Variants in CCDC3 observed in about 807,000 individuals in gnomAD.
CCDC3 encodes the protein coiled-coil domain-containing protein 3.
CCDC3 carries 24 observed loss-of-function variants against 21.4 expected under a neutral mutation model. The ratio of observed to expected loss-of-function variants is 1.12; its 90% CI spans 0.81 to 1.58. The LOEUF (loss-of-function observed/expected upper bound fraction) is 1.58, where lower values mean the gene tolerates loss of function less well. CCDC3 is among the 40% of genes most tolerant of loss of function. CCDC3 has a pLI of 0.00. For missense variants in CCDC3, 425 were observed against 360.9 expected, an observed-to-expected ratio of 1.18 and a Z score of -1.44; for synonymous variants, 186 against 166.0, an observed-to-expected ratio of 1.12 and a Z score of -0.93.
At chr10:13,002,121 T>C (rs1835866860), upstream of CCDC3, among the ~76,000 whole-genome samples, 1 of 152,166 alleles carries the variant, frequency 6.6e-6, no homozygotes, top group African/African-American at 2.4e-5. Context: ...GGAAATTCAG[T>C]GTGGGCTGAG....
intron 2 of CCDC3, among the ~76,000 whole-genome samples, chr10:12,909,795 C>G (rs1834237806): frequency 6.6e-6 from 1 of 152,300 alleles, no homozygotes; most frequent in Middle Eastern, 3.4e-3. Context: ...TGCTATCCAC[C>G]TGACCCATCT....
intron 2 of CCDC3, among the ~76,000 whole-genome samples, chr10:12,954,923 T>C (rs936915841): frequency 2.0e-5 from 3 of 152,200 alleles, no homozygotes; most frequent in East Asian, 1.9e-4. Context: ...GTGAAACCCA[T>C]AGGACTGCCA....
At chr10:13,024,327 C>A (rs948166552) in intron 5 of CCDC3, among the ~76,000 whole-genome samples, 3 of 152,070 alleles carry the variant, frequency 2.0e-5, no homozygotes, top group African/African-American at 4.8e-5. Flanking sequence ...ACTAACAGAT[C>A]TCTTCAAGGC....
intron 2 of CCDC3, among the ~76,000 whole-genome samples, chr10:12,983,412 A>T (rs1835537495): frequency 6.6e-6 from 1 of 151,310 alleles, no homozygotes; most frequent in Non-Finnish European, 1.5e-5. Context: ...GTCTCTACTA[A>T]AAATACAAAA....
At chr10:13,060,530 G>C (rs1429655026) in intron 4 of CCDC3, among the ~76,000 whole-genome samples, 1 of 151,976 alleles carries the variant, frequency 6.6e-6, no homozygotes, top group African/African-American at 2.4e-5. Context: ...CAACAGACAG[G>C]GTCTCACTCT....
chr10:12,973,074 C>G (rs947156218), intron 2 of CCDC3, among the ~76,000 whole-genome samples: 1 of 152,194 alleles, frequency 6.6e-6, no homozygotes, highest in Non-Finnish European at 1.5e-5. Context: ...AATGTGGCAG[C>G]TACCATTGAC....
rs138336684 is a variant in CCDC3 at position 12,950,750 on chromosome 10, C to T, written c.549+47588G>A. On this transcript the variant is annotated intron_variant, in intron 2 of 2. Coordinates refer to ENST00000378825, the MANE Select transcript of CCDC3 (RefSeq NM_031455.4). ...AACCCTTAGAAGCACCCACATACCA[C>T]ACAAGCTCAGACCTGTGGGCTTCTC... Among the ~76,000 whole-genome samples the T allele has an allele frequency of 1.1e-4, 17 of 152,314 alleles. No individual in the cohort carries two copies. In the East Asian group the frequency reaches 2.9e-3, roughly 26 times the overall value.
intron 2 of CCDC3, among the ~76,000 whole-genome samples, chr10:12,983,603 G>A (rs12261384): frequency 0.016 from 2,243 of 140,992 alleles, 64 homozygotes; most frequent in African/African-American, 0.056. Flanking sequence ...AAAACAAAAC[G>A]AAAAAAACTT....
At chr10:13,074,698 G>T (rs1283147035) in intron 3 of CCDC3, among the ~76,000 whole-genome samples, 3 of 151,546 alleles carry the variant, frequency 2.0e-5, no homozygotes, top group Non-Finnish European at 4.4e-5. Context: ...GCACAAATAC[G>T]CGTGCACACA....
chr10:13,084,809 G>A (rs1250237731), intron 3 of CCDC3, among the ~76,000 whole-genome samples: 2 of 152,162 alleles, frequency 1.3e-5, no homozygotes, highest in Admixed American at 6.5e-5. Flanking sequence ...CCATGAGAAG[G>A]AGTGAGATTG....
At chr10:12,937,984 A>C (rs1047056203) in intron 2 of CCDC3, among the ~76,000 whole-genome samples, 1 of 152,284 alleles carries the variant, frequency 6.6e-6, no homozygotes, top group African/African-American at 2.4e-5. Flanking sequence ...TATGCCTTCA[A>C]CCCAGCATCC....
At chr10:12,944,812 T>A (rs1158612394) in intron 2 of CCDC3, among the ~76,000 whole-genome samples, 1 of 152,246 alleles carries the variant, frequency 6.6e-6, no homozygotes, top group African/African-American at 2.4e-5. Flanking sequence ...TGACGGATAC[T>A]TAATGTCTCA....
intron 5 of CCDC3, among the ~76,000 whole-genome samples, chr10:13,020,442 T>C (rs1311806639): frequency 1.3e-5 from 2 of 152,358 alleles, no homozygotes; most frequent in African/African-American, 2.4e-5. Context: ...ACAAAGCTTA[T>C]TTCTATATAA....
At chr10:12,905,946 C>T (rs1458470350) in intron 2 of CCDC3, among the ~76,000 whole-genome samples, 1 of 152,238 alleles carries the variant, frequency 6.6e-6, no homozygotes, top group East Asian at 1.9e-4. Context: ...CCACATGATT[C>T]AGGGACTCTG....
chr10:12,914,848 C>T (rs1207793547), intron 2 of CCDC3, among the ~76,000 whole-genome samples: 1 of 151,846 alleles, frequency 6.6e-6, no homozygotes, highest in East Asian at 1.9e-4. Flanking sequence ...TATTTTTCTA[C>T]TCTCTCATTT....
intron 5 of CCDC3, among the ~76,000 whole-genome samples, chr10:13,026,411 T>C (rs971841143): frequency 3.3e-5 from 5 of 152,194 alleles, no homozygotes; most frequent in African/African-American, 4.8e-5. Flanking sequence ...AGTCTTTACA[T>C]AGAACATTTT....
chr10:13,088,875 G>A (rs1039882357), intron 3 of CCDC3, among the ~76,000 whole-genome samples: 7 of 152,040 alleles, frequency 4.6e-5, no homozygotes, highest in Non-Finnish European at 1.5e-5. Context: ...AATTAGTCAG[G>A]TATGGTGGCG....
At chr10:12,972,044 C>T (rs1835350988) in intron 2 of CCDC3, among the ~76,000 whole-genome samples, 1 of 152,206 alleles carries the variant, frequency 6.6e-6, no homozygotes, top group Middle Eastern at 3.4e-3. Flanking sequence ...TGCCTTATGG[C>T]TTCAACTATC....
intron 2 of CCDC3, among the ~76,000 whole-genome samples, chr10:12,926,785 A>G (rs1834547444): frequency 6.6e-6 from 1 of 152,194 alleles, no homozygotes; most frequent in African/African-American, 2.4e-5. Flanking sequence ...GTAGGGCTAT[A>G]TTGATATCAG....
Sources: gnomAD v4.1 joint callset for allele counts (sites outside exome capture counted in the v4.1 genomes callset) on GRCh38, gnomAD v4.1.1 for gene constraint, MANE v1.5 for transcripts, NCBI Gene and HGNC (gene_info 2026-07-23, HGNC 2026-07-21) for gene names.